DLC1: variants seen among roughly 807,000 people sequenced by gnomAD.
DLC1 encodes DLC1 Rho GTPase activating protein.
Under a neutral mutation model 140.3 loss-of-function variants are expected in DLC1, and 54 were observed. That is an observed-to-expected ratio of 0.38 (90% CI 0.31 to 0.48). The LOEUF is 0.48. Among genes scored for constraint, DLC1 ranks in the 20% least tolerant of loss-of-function variants. DLC1 has a pLI of 0.96. For missense variants in DLC1, 2,536 were observed against 1,907.0 expected (o/e 1.33, Z -6.14); for synonymous variants, 986 against 728.1 (o/e 1.35, Z -5.70).
rs530084132 is a variant in DLC1, at chr8:13,229,234, A to G, written c.1348+76035T>C. ...TGGATGAAGTGTGGTATATACACAC[A>G]GCAGAATATCATTTGGCAGTACAAA... On this transcript the variant is annotated intron_variant, in intron 5 of 17. Transcript: ENST00000276297. Among the ~76,000 whole-genome samples the G allele has an allele frequency of 4.6e-5, 7 of 152,362 alleles. No homozygotes were observed. The South Asian group carries it at 1.4e-3, about 32-fold the overall frequency.
At chr8:13,562,321 C>T (rs1804271585) in intron 1 of DLC1, among the ~76,000 whole-genome samples, 1 of 151,766 alleles carries the variant, frequency 6.6e-6, no homozygotes, top group South Asian at 2.1e-4. Context: ...AACCAAGTCA[C>T]AGACAAATAA....
At chr8:13,233,293 TAAAAAAAA>T (rs71207134) in intron 5 of DLC1, among the ~76,000 whole-genome samples, 4 of 70,402 alleles carry the variant, frequency 5.7e-5, no homozygotes, top group East Asian at 3.9e-4. Context: ...AGACTCTGTA[TAAAAAAAA>T]AAAAAAAAAA....
chr8:13,373,409 T>C (rs1373852225), intron 4 of DLC1, among the ~76,000 whole-genome samples: 1 of 152,200 alleles, frequency 6.6e-6, no homozygotes, highest in Non-Finnish European at 1.5e-5. Context: ...TATTCTCGGA[T>C]GTACAGGACA....
At chr8:13,179,291 G>C (rs922291434) in intron 5 of DLC1, among the ~76,000 whole-genome samples, 7 of 151,936 alleles carry the variant, frequency 4.6e-5, no homozygotes, top group Non-Finnish European at 1.0e-4. Context: ...GGCAGGAAGG[G>C]ATCGTCTGCA....
At chr8:13,318,824 T>A (rs895095290) in intron 4 of DLC1, among the ~76,000 whole-genome samples, 12 of 152,228 alleles carry the variant, frequency 7.9e-5, no homozygotes, top group African/African-American at 2.4e-4. Flanking sequence ...CTCTTCTTTC[T>A]GAATACCTTT....
intron 2 of DLC1, among the ~76,000 whole-genome samples, chr8:13,468,335 CCCAT>C (rs1323896942): frequency 7.4e-5 from 8 of 107,736 alleles, no homozygotes; most frequent in African/African-American, 1.3e-4. Context: ...TTCCCTTCCC[CCCAT>C]TCCCCTCCCC....
At chr8:13,316,964 T>A (rs893081253) in intron 4 of DLC1, among the ~76,000 whole-genome samples, 1 of 152,206 alleles carries the variant, frequency 6.6e-6, no homozygotes, top group Non-Finnish European at 1.5e-5. Flanking sequence ...TGAATGAGCA[T>A]TGAAATTTCC....
intron 4 of DLC1, among the ~76,000 whole-genome samples, chr8:13,318,389 T>C (rs920720760): frequency 6.6e-6 from 1 of 152,148 alleles, no homozygotes; most frequent in Non-Finnish European, 1.5e-5. Context: ...TTATTCTATG[T>C]ATGAGGAAAT....
intron 5 of DLC1, among the ~76,000 whole-genome samples, chr8:13,264,994 C>G (rs1362775884): frequency 2.0e-5 from 3 of 152,158 alleles, no homozygotes; most frequent in African/African-American, 7.2e-5. Context: ...CAGAGATTAC[C>G]TACTCTTCAA....
chr8:13,206,203 C>G lies in DLC1; in HGVS notation c.1349-90546G>C, dbSNP rs563854872. Among the ~76,000 whole-genome samples the G allele has an allele frequency of 5.3e-5, 8 of 152,250 alleles. No individual in the cohort carries two copies. In the East Asian group the frequency reaches 1.5e-3, roughly 29 times the overall value. On this transcript the variant is annotated intron_variant, in intron 5 of 17. Transcript: ENST00000276297. The stretch of plus-strand genomic sequence containing the variant: ...ATGATCTAAAGACTCATTGAGGAAA[C>G]ATGTTCATCTTGCCTTAGTAAAAAT...
At chr8:13,107,674 AT>A (rs1424191447) in intron 7 of DLC1, among the ~76,000 whole-genome samples, 3 of 152,230 alleles carry the variant, frequency 2.0e-5, no homozygotes, top group Non-Finnish European at 2.9e-5. Context: ...GGTCTAGCAA[AT>A]GAAGTGACTA....
chr8:13,508,235 G>A (rs1346318846), intron 1 of DLC1, among the ~76,000 whole-genome samples: 1 of 152,170 alleles, frequency 6.6e-6, no homozygotes, highest in Non-Finnish European at 1.5e-5. Context: ...GCTCAAGCCA[G>A]CCAGATTTGG....
chr8:13,313,222 A>G (rs1255340541), intron 4 of DLC1, among the ~76,000 whole-genome samples: 1 of 152,006 alleles, frequency 6.6e-6, no homozygotes, highest in East Asian at 1.9e-4. Flanking sequence ...ACGAGGATGA[A>G]CCTCATCCTC....
At chr8:13,176,308 G>A (rs56330151) in intron 5 of DLC1, among the ~76,000 whole-genome samples, 1,737 of 152,284 alleles carry the variant, frequency 0.011, 27 homozygotes, top group African/African-American at 0.039. Context: ...TCCGGGTGTG[G>A]TGGTTCACTC....
rs1799216989 is a variant in DLC1 at position 13,453,449 on chromosome 8, CATATATATATGTATATATAT to C, written c.1023+45580_1023+45599del. ...GTGTATATATATATGTATATATATACATATATATATGTATATATATACATATATATGTATATATATACATA... is the reference window on the plus strand; with the variant it reads ...GTGTATATATATATGTATATATATACACATATATATGTATATATATACATA... On this transcript the variant is annotated intron_variant, in intron 2 of 17. Coordinates refer to ENST00000276297, the MANE Select transcript of DLC1 (RefSeq NM_182643.3). 2.8e-4 allele frequency among the ~76,000 whole-genome samples: 3 copies of C among 10,556 alleles called. 1 individual carries two copies. Among genetic ancestry groups the C allele is most frequent in the African/African-American group, 1.8e-3 (3 of 1,690 alleles). 6.9% of individuals were successfully genotyped at this position (10,556 alleles called of 152,430 possible). A position where few individuals can be genotyped will look rare whatever the true frequency, so the allele number is the denominator to read the frequency against.
At chr8:13,103,767 G>C (rs1819307474) in intron 7 of DLC1, among the ~76,000 whole-genome samples, 1 of 149,200 alleles carries the variant, frequency 6.7e-6, no homozygotes, top group Non-Finnish European at 1.5e-5. Flanking sequence ...TTGAACCTGG[G>C]AGGTGAAGGT....
At chr8:13,202,349 G>A (rs185401408) in intron 5 of DLC1, among the ~76,000 whole-genome samples, 12 of 152,224 alleles carry the variant, frequency 7.9e-5, no homozygotes, top group Admixed American at 3.9e-4. Context: ...TGATACATAC[G>A]TACATTGTAT....
chr8:13,121,499 C>T (rs777888470), intron 5 of DLC1, among the ~76,000 whole-genome samples: 1 of 152,118 alleles, frequency 6.6e-6, no homozygotes, highest in Non-Finnish European at 1.5e-5. Context: ...GTAAGGAAAT[C>T]TTGGTGACTC....
At chr8:13,145,737 A>C (rs1823385201) in intron 5 of DLC1, among the ~76,000 whole-genome samples, 1 of 152,230 alleles carries the variant, frequency 6.6e-6, no homozygotes, top group Admixed American at 6.5e-5. Flanking sequence ...AAATCTTTGA[A>C]ACAATGTTGA....
Sources: allele counts gnomAD v4.1 joint callset (sites outside exome capture counted in the v4.1 genomes callset), GRCh38; gene constraint gnomAD v4.1.1; transcripts MANE v1.5; gene names NCBI Gene and HGNC (gene_info 2026-07-23, HGNC 2026-07-21).